The following UNC13C variants were observed in gnomAD, a reference collection of about 807,000 sequenced individuals.
UNC13C encodes the protein protein unc-13 homolog C.
A neutral mutation model predicts 245.4 loss-of-function variants in UNC13C; 174 were observed. The observed-to-expected ratio is 0.71, with a 90% CI of 0.63 to 0.80. The LOEUF is 0.80. UNC13C is among the 30% of genes least tolerant of loss of function. UNC13C has a pLI of 0.00. For missense variants in UNC13C, 2,829 were observed against 2,602.9 expected (o/e 1.09, Z -1.89); for synonymous variants, 992 against 895.1 (o/e 1.11, Z -1.93).
intron 24 of UNC13C, among the ~76,000 whole-genome samples, chr15:54,512,939 G>A (rs624001): frequency 0.4 from 60,226 of 151,908 alleles, 12,264 homozygotes; most frequent in African/African-American, 0.45. Context: ...TTAGCATTCT[G>A]CAATGGTGAA....
intron 29 of UNC13C, among the ~76,000 whole-genome samples, chr15:54,560,927 A>T (rs969263099): frequency 6.6e-6 from 1 of 152,034 alleles, no homozygotes; most frequent in Non-Finnish European, 1.5e-5. Flanking sequence ...TGTCACTTAT[A>T]TTGCCTGATG....
At chr15:54,462,869 C>T (rs1432030331) in intron 19 of UNC13C, among the ~76,000 whole-genome samples, 1 of 152,152 alleles carries the variant, frequency 6.6e-6, no homozygotes, top group African/African-American at 2.4e-5. Flanking sequence ...GGCAGCTCCA[C>T]CCATGGGCCT....
Position 54,213,880 on chromosome 15 carries a change from C to A in UNC13C, c.3072-21150C>A, listed in dbSNP as rs561614997. Among the ~76,000 whole-genome samples, 8 of 152,078 alleles carry A rather than the reference C, an allele frequency of 5.3e-5. No homozygotes were observed. The East Asian group carries it at 1.5e-3, about 29-fold the overall frequency. ...CAGAGGTGAGGGAATTTTCTCTAAT[C>A]CAATGGCACCAGAAGTTTACCAGCC... is the stretch of plus-strand genomic sequence containing the variant. On this transcript the variant is annotated intron_variant, in intron 4 of 32. Transcript: ENST00000260323.
At chr15:53,939,720 G>A in the UNC13C span, among the ~76,000 whole-genome samples, 2 of 152,034 alleles carry the variant, frequency 1.3e-5, no homozygotes, top group East Asian at 3.9e-4. Flanking sequence ...CACATAAACA[G>A]AACTAACAAC....
chr15:54,328,450 T>A (rs768322621), intron 14 of UNC13C, among the ~76,000 whole-genome samples: 6 of 152,078 alleles, frequency 3.9e-5, no homozygotes, highest in Non-Finnish European at 8.8e-5. Flanking sequence ...CTGAAAATTT[T>A]ACAAAAATCT....
chr15:54,525,537 G>GTC lies in UNC13C; in HGVS notation c.5458-6_5458-5dup. On this transcript the variant is annotated splice_polypyrimidine_tract_variant and intron_variant, in intron 24 of 32. Transcript: ENST00000260323. ...AAACTCCAAAGTAATATTGTTTATG[G>GTC]TCTCTCTGCAGCTAGATTCTGAAGC... 1 of 1,606,664 alleles carries GTC rather than the reference G, an allele frequency of 6.2e-7. No individual in the cohort carries two copies. Among genetic ancestry groups the GTC allele is most frequent in the Non-Finnish European group, 8.5e-7 (1 of 1,175,510 alleles).
In UNC13C at chr15:53,994,070, A is replaced by G. The variant is rs141263147; in HGVS notation, c.-257+15143A>G. ...AATTACACCAATACTTGGACTTGCT[A>G]TAGATCAAGTTATTAGCTGTATCTT... is the stretch of plus-strand genomic sequence containing the variant. On this transcript the variant is annotated intron_variant, in intron 1 of 32. Coordinates refer to ENST00000260323, the MANE Select transcript of UNC13C (RefSeq NM_001080534.3). Among the ~76,000 whole-genome samples the G allele has an allele frequency of 1.5e-3, 225 of 152,066 alleles. 1 individual carries two copies. Among genetic ancestry groups the G allele is most frequent in the African/African-American group, 5.3e-3 (218 of 41,462 alleles).
rs1266794091 is a variant in UNC13C at position 54,321,939 on chromosome 15, G to A, written c.4269G>A (p.Thr1423=). 3 of 1,564,584 alleles carry A rather than the reference G, an allele frequency of 1.9e-6. No individual in the cohort carries two copies. Among genetic ancestry groups the A allele is most frequent in the Admixed American group, 3.8e-5 (2 of 52,066 alleles). ...ACACTTTATGTTTTTTGTCTTTCAG[G>A]CACTTTTCATGTCTGTCTTCTAAAT... ...YGIESIYQAM[T]HFSCLSSKYM... Residue 1423 remains threonine (T), a splice_region_variant and synonymous_variant, in exon 14 of 33, where the codon ACG becomes ACA. Transcript: ENST00000260323.
chr15:53,882,921 G>A, the UNC13C span, among the ~76,000 whole-genome samples: 14 of 152,128 alleles, frequency 9.2e-5, 1 homozygote, highest in Non-Finnish European at 2.1e-4. Context: ...AGGAGGGAGA[G>A]AAGCAGGAAG....
chr15:53,856,095 C>T, the UNC13C span, among the ~76,000 whole-genome samples: 1 of 152,026 alleles, frequency 6.6e-6, no homozygotes, highest in Non-Finnish European at 1.5e-5. Context: ...TTATAGTGTT[C>T]TCTGATGATT....
intron 19 of UNC13C, among the ~76,000 whole-genome samples, chr15:54,468,305 A>C (rs547733190): frequency 2.0e-5 from 3 of 151,502 alleles, no homozygotes; most frequent in Non-Finnish European, 4.4e-5. Context: ...GGGTTGTTTT[A>C]TTGTTATTGA....
At chr15:54,553,781 A>G (rs1285168649) in intron 28 of UNC13C, among the ~76,000 whole-genome samples, 3 of 151,694 alleles carry the variant, frequency 2.0e-5, no homozygotes, top group African/African-American at 7.2e-5. Flanking sequence ...ACCAGCGTAT[A>G]TCACTTATTA....
chr15:53,949,294 G>A, the UNC13C span, among the ~76,000 whole-genome samples: 1 of 152,024 alleles, frequency 6.6e-6, no homozygotes, highest in African/African-American at 2.4e-5. Context: ...GCTAAATCCC[G>A]GACTGCTTTC....
At chr15:54,141,688 T>C (rs1336247737) in intron 2 of UNC13C, among the ~76,000 whole-genome samples, 2 of 152,088 alleles carry the variant, frequency 1.3e-5, no homozygotes, top group African/African-American at 2.4e-5. Context: ...TTGAATATGG[T>C]ATATTATTCT....
At chr15:54,533,121 A>G in intron 26 of UNC13C, 55 bp downstream of exon 26, 1 of 1,399,416 alleles carries the variant, frequency 7.1e-7, no homozygotes, top group Non-Finnish European at 9.8e-7. Flanking sequence ...TTGACCTTTA[A>G]GGCTTTAAGA....
At chr15:54,269,131 C>T (rs1422824401) in intron 10 of UNC13C, among the ~76,000 whole-genome samples, 3 of 151,744 alleles carry the variant, frequency 2.0e-5, no homozygotes, top group Admixed American at 2.0e-4. Context: ...ACCTTGGTTT[C>T]TATTCCTTGC....
chr15:54,077,904 T>C (rs922582922), intron 2 of UNC13C, among the ~76,000 whole-genome samples: 4 of 152,176 alleles, frequency 2.6e-5, no homozygotes, highest in African/African-American at 9.7e-5. Flanking sequence ...GGTTTGGGCT[T>C]CTAGTGAACC....
intron 4 of UNC13C, among the ~76,000 whole-genome samples, chr15:54,217,747 A>G (rs1312302351): frequency 6.6e-6 from 1 of 151,754 alleles, no homozygotes; most frequent in East Asian, 1.9e-4. Context: ...TAGAGGATAA[A>G]AAATACTTAC....
intron 19 of UNC13C, among the ~76,000 whole-genome samples, chr15:54,489,728 A>G (rs1366540455): frequency 6.6e-6 from 1 of 152,162 alleles, no homozygotes; most frequent in Non-Finnish European, 1.5e-5. Flanking sequence ...TGCCACAAAT[A>G]CTGGGGTTCA....
Sources: gnomAD v4.1 joint callset for allele counts (sites outside exome capture counted in the v4.1 genomes callset) on GRCh38, gnomAD v4.1.1 for gene constraint, MANE v1.5 for transcripts, NCBI Gene and HGNC (gene_info 2026-07-23, HGNC 2026-07-21) for gene names.